Variants in NCKAP5 observed in about 807,000 individuals in gnomAD.
NCKAP5 encodes nck-associated protein 5.
NCKAP5 carries 92 observed loss-of-function variants against 167.0 expected under a neutral mutation model. The ratio of observed to expected loss-of-function variants is 0.55; its 90% CI spans 0.47 to 0.66. The LOEUF is 0.66. Among genes scored for constraint, NCKAP5 ranks in the 30% least tolerant of loss-of-function variants. The pLI is 0.00. For synonymous variants in NCKAP5, 891 were observed against 877.4 expected, an observed-to-expected ratio of 1.02 and a Z score of -0.27; for missense variants, 2,378 against 2,315.0, an observed-to-expected ratio of 1.03 and a Z score of -0.56.
At chr2:132,751,040 T>C (rs1680065605) in intron 16 of NCKAP5, among the ~76,000 whole-genome samples, 1 of 152,142 alleles carries the variant, frequency 6.6e-6, no homozygotes, top group Non-Finnish European at 1.5e-5. Context: ...GCTCAGCCCA[T>C]TTATTTGTTT....
At chr2:133,206,240 A>G (rs1226296698) in intron 5 of NCKAP5, among the ~76,000 whole-genome samples, 1 of 152,216 alleles carries the variant, frequency 6.6e-6, no homozygotes, top group Admixed American at 6.6e-5. Context: ...TTATAAACTA[A>G]TATTACATTT....
intron 2 of NCKAP5, among the ~76,000 whole-genome samples, chr2:133,526,780 C>A (rs963231078): frequency 6.6e-6 from 1 of 152,080 alleles, no homozygotes; most frequent in South Asian, 2.1e-4. Context: ...TTACATAAAA[C>A]GTCTACATGT....
At chr2:132,789,391 C>A (rs1683864711) in intron 13 of NCKAP5, among the ~76,000 whole-genome samples, 1 of 152,098 alleles carries the variant, frequency 6.6e-6, no homozygotes, top group Admixed American at 6.5e-5. Flanking sequence ...AGGGAATAAG[C>A]CCTAAATGCA....
intron 11 of NCKAP5, among the ~76,000 whole-genome samples, chr2:132,853,054 T>C (rs1574423910): frequency 6.6e-6 from 1 of 152,328 alleles, no homozygotes; most frequent in Admixed American, 6.5e-5. Context: ...ATTCTGGCTG[T>C]CCCATGAATA....
chr2:132,783,445 TG>T lies in NCKAP5; in HGVS notation c.3365del (p.Ser1122TyrfsTer21). The T allele has an allele frequency of 6.3e-7, 1 of 1,584,848 alleles. No homozygotes were observed. The highest frequency in any genetic ancestry group is 8.6e-7 in the Non-Finnish European group (1 of 1,165,654). ...GGCTGTTATGGCTTTTGGCGGGTGA[TG>T]AGGATGATGAGGAACTGCTGACCTG... ...SSQVSSSSSS[S>X]SPAKSHNSPH... is the part of the protein sequence containing the mutation. On this transcript the variant is annotated frameshift_variant, in exon 14 of 20. Coordinates refer to ENST00000409261, the MANE Select transcript of NCKAP5 (RefSeq NM_207363.3). LOFTEE classifies it high-confidence loss of function.
chr2:133,673,342 C>T, the NCKAP5 span, among the ~76,000 whole-genome samples: 494 of 152,308 alleles, frequency 3.2e-3, 1 homozygote, highest in Non-Finnish European at 5.4e-3. Context: ...AGGCAGCACA[C>T]CACATATATA....
chr2:133,601,628 G>A, the NCKAP5 span, among the ~76,000 whole-genome samples: 358 of 152,296 alleles, frequency 2.4e-3, 1 homozygote, highest in African/African-American at 8.0e-3. Context: ...AGCTACTCAG[G>A]AGGCTGAAGC....
intron 4 of NCKAP5, among the ~76,000 whole-genome samples, chr2:133,290,784 TGCTCTGTCACCCAG>T (rs1213633613): frequency 6.7e-6 from 1 of 150,238 alleles, no homozygotes; most frequent in East Asian, 1.9e-4. Context: ...TACAGGGTCT[TGCTCTGTCACCCAG>T]GCTGGAGTAC....
At chr2:133,585,143 T>A in the NCKAP5 span, among the ~76,000 whole-genome samples, 2 of 152,158 alleles carry the variant, frequency 1.3e-5, no homozygotes, top group African/African-American at 4.8e-5. Flanking sequence ...ACAGTAAAAA[T>A]AAAGCAAAAT....
intron 8 of NCKAP5, among the ~76,000 whole-genome samples, chr2:132,886,452 C>A (rs982933932): frequency 1.6e-4 from 24 of 152,302 alleles, no homozygotes; most frequent in African/African-American, 5.3e-4. Flanking sequence ...GATGCAATAG[C>A]CTAATCTACT....
chr2:132,815,202 C>A (rs1029797930), intron 11 of NCKAP5, among the ~76,000 whole-genome samples: 1 of 152,038 alleles, frequency 6.6e-6, no homozygotes, highest in African/African-American at 2.4e-5. Context: ...TCATATTATA[C>A]CATGTGCAGT....
At chr2:132,941,261 G>A (rs1457025291) in intron 8 of NCKAP5, among the ~76,000 whole-genome samples, 1 of 152,188 alleles carries the variant, frequency 6.6e-6, no homozygotes, top group Admixed American at 6.5e-5. Context: ...CTGGACCTCT[G>A]CTGTTTGTAC....
At chr2:133,042,643 G>A (rs200684321) in intron 6 of NCKAP5, among the ~76,000 whole-genome samples, 2 of 152,144 alleles carry the variant, frequency 1.3e-5, no homozygotes, top group Non-Finnish European at 2.9e-5. Context: ...TGATCTAGAT[G>A]TTGTTTGTGT....
At chr2:132,708,998 T>A (rs925745923) in intron 19 of NCKAP5, among the ~76,000 whole-genome samples, 1 of 152,124 alleles carries the variant, frequency 6.6e-6, no homozygotes, top group Non-Finnish European at 1.5e-5. Flanking sequence ...AAGGACTTTT[T>A]AAAAAGTTTA....
chr2:133,554,138 C>T (rs1687573619), intron 2 of NCKAP5, among the ~76,000 whole-genome samples: 1 of 152,166 alleles, frequency 6.6e-6, no homozygotes, highest in African/African-American at 2.4e-5. Flanking sequence ...TAGTTTCTGA[C>T]CTGTAGATAA....
intron 4 of NCKAP5, among the ~76,000 whole-genome samples, chr2:133,293,591 T>C (rs1432081958): frequency 6.6e-6 from 1 of 152,214 alleles, no homozygotes; most frequent in Non-Finnish European, 1.5e-5. Context: ...GCCTGAACAC[T>C]CCCTTGCTTC....
At chr2:132,743,419 AGGAT>A (rs1440341027) in intron 16 of NCKAP5, among the ~76,000 whole-genome samples, 1 of 151,842 alleles carries the variant, frequency 6.6e-6, no homozygotes, top group Non-Finnish European at 1.5e-5. Flanking sequence ...AACAGCACAA[AGGAT>A]GGGAGAGGTT....
rs186519690 is a variant in NCKAP5, at chr2:133,242,745, T to C, written c.144-28966A>G. 7.2e-3 allele frequency among the ~76,000 whole-genome samples: 1,102 copies of C among 152,326 alleles called. 11 individuals are homozygous for C. Among genetic ancestry groups the C allele is most frequent in the Non-Finnish European group, 8.4e-3 (574 of 68,022 alleles). The stretch of plus-strand genomic sequence containing the variant: ...GAAAAACAGCGAAGACACTCAAGGA[T>C]GCATAAATGTAAACTGACAAACATG... On this transcript the variant is annotated intron_variant, in intron 4 of 19. Coordinates refer to ENST00000409261, the MANE Select transcript of NCKAP5 (RefSeq NM_207363.3).
Position 132,692,329 on chromosome 2 carries a change from T to G in NCKAP5, c.5714-19024A>C, listed in dbSNP as rs916291504. 1.4e-4 allele frequency among the ~76,000 whole-genome samples: 22 copies of G among 152,002 alleles called. No homozygotes were observed. In the South Asian group the frequency reaches 2.9e-3, roughly 20 times the overall value. ...AGTTAATTTTGTTGTTGTTGTTGTT[T>G]TTTAGTAGAGATGGGGTTTTGCCAT... On this transcript the variant is annotated intron_variant, in intron 19 of 19. Coordinates refer to ENST00000409261, the MANE Select transcript of NCKAP5 (RefSeq NM_207363.3).
Sources: gnomAD v4.1 joint callset for allele counts (sites outside exome capture counted in the v4.1 genomes callset) on GRCh38, gnomAD v4.1.1 for gene constraint, MANE v1.5 for transcripts, NCBI Gene and HGNC (gene_info 2026-07-23, HGNC 2026-07-21) for gene names.